Variants in SMCHD1 observed in about 807,000 individuals in gnomAD.
SMCHD1 encodes the protein structural maintenance of chromosomes flexible hinge domain containing 1.
In SMCHD1, 78 loss-of-function variants were observed where a neutral mutation model predicts 254.7. The ratio of observed to expected loss-of-function variants is 0.31; its 90% CI spans 0.26 to 0.37. The LOEUF (loss-of-function observed/expected upper bound fraction) is 0.37. Ranked by LOEUF, SMCHD1 falls within the 10% of genes least tolerant of loss-of-function variation. The pLI is 1.00. For missense variants in SMCHD1, 1,840 were observed against 2,408.1 expected (o/e 0.76, Z 4.94); for synonymous variants, 766 against 794.9 (o/e 0.96, Z 0.61).
chr18:2,736,071 G>A (rs2080663), intron 25 of SMCHD1, among the ~76,000 whole-genome samples: 29,499 of 152,040 alleles, frequency 0.19, 3,108 homozygotes, highest in South Asian at 0.27. Flanking sequence ...ACATAGACCA[G>A]TGGAGGAGGT....
At chr18:2,754,269 G>A (rs1460946578) in intron 34 of SMCHD1, among the ~76,000 whole-genome samples, 6 of 152,086 alleles carry the variant, frequency 3.9e-5, no homozygotes, top group Admixed American at 3.9e-4. Flanking sequence ...ATTGTGTTGG[G>A]GGTTCCCAAT....
chr18:2,780,547 G>GT (rs990998789), intron 44 of SMCHD1, among the ~76,000 whole-genome samples: 1 of 152,074 alleles, frequency 6.6e-6, no homozygotes, highest in African/African-American at 2.4e-5. Flanking sequence ...AAGCTTGCTG[G>GT]TAAGGATTGA....
chr18:2,728,408 T>G, intron 22 of SMCHD1, 49 bp from the exon 23 acceptor site: 1 of 1,569,478 alleles, frequency 6.4e-7, no homozygotes, highest in Non-Finnish European at 8.7e-7. Context: ...TTTCAGTACT[T>G]TAGTCTTTGA....
intron 1 of SMCHD1, among the ~76,000 whole-genome samples, chr18:2,664,978 T>C (rs2073395296): frequency 6.6e-6 from 1 of 152,222 alleles, no homozygotes; most frequent in Non-Finnish European, 1.5e-5. Context: ...TGGTTTTTAT[T>C]AATATCATTT....
chr18:2,689,993 C>T (rs1446849507), intron 7 of SMCHD1, among the ~76,000 whole-genome samples: 4 of 151,538 alleles, frequency 2.6e-5, no homozygotes, highest in African/African-American at 7.3e-5. Context: ...CCAATTTGGG[C>T]GATAGAGCAA....
In SMCHD1 at chr18:2,724,996, G is replaced by A; in HGVS notation, c.2700+1G>A. 6.4e-7 allele frequency: 1 copy of A among 1,550,914 alleles called. No homozygotes were observed. The highest frequency in any genetic ancestry group is 8.8e-7 in the Non-Finnish European group (1 of 1,135,324). On this transcript the variant is annotated splice_donor_variant, in intron 21 of 47. Coordinates refer to ENST00000320876, the MANE Select transcript of SMCHD1 (RefSeq NM_015295.3). LOFTEE classifies it high-confidence loss of function. ...CCCTGTAAACTCTTGTCAAGGCAAGGTAAGCATTATGTATAGATCCTATGA... is the reference window on the plus strand; with the variant it reads ...CCCTGTAAACTCTTGTCAAGGCAAGATAAGCATTATGTATAGATCCTATGA...
At chr18:2,713,394 CTAGAACATGTTTCTT>C (rs1252934587) in intron 17 of SMCHD1, among the ~76,000 whole-genome samples, 1 of 152,012 alleles carries the variant, frequency 6.6e-6, no homozygotes, top group Non-Finnish European at 1.5e-5. Context: ...GAAGATGTTT[CTAGAACATGTTTCTT>C]TCTCTATTGG....
In SMCHD1 at chr18:2,688,524, T is replaced by TCAA; in HGVS notation, c.753+17_753+18insAAC. The TCAA allele has an allele frequency of 1.2e-6, 2 of 1,604,876 alleles. No homozygotes were observed. Among genetic ancestry groups the TCAA allele is most frequent in the Non-Finnish European group, 1.7e-6 (2 of 1,172,316 alleles). On this transcript the variant is annotated intron_variant, in intron 6 of 47. Coordinates refer to ENST00000320876, the MANE Select transcript of SMCHD1 (RefSeq NM_015295.3). ...ATCAGCCAGAGTAAGTAAAAAGATT[T>TCAA]CTTATAAATGAAAGTTGATCAAAAT...
At position 2,700,647 on chromosome 18, in the gene SMCHD1, C is replaced by T; in HGVS notation, c.1451C>T (p.Thr484Ile). Residue 484 changes from threonine (T) to isoleucine (I), a missense_variant, in exon 11 of 48, where the codon ACA (threonine) becomes ATA (isoleucine). Coordinates refer to ENST00000320876, the MANE Select transcript of SMCHD1 (RefSeq NM_015295.3). ...TGGAATGGACGATTAATACCATATA[C>T]ATCAGTTGAAGAGTAAGTTTGATTT... ...CFWNGRLIPY[T>I]SVEDFDWCTP... 2 of 1,607,444 alleles carry T rather than the reference C, an allele frequency of 1.2e-6. No individual in the cohort carries two copies. Among genetic ancestry groups the T allele is most frequent in the Non-Finnish European group, 1.7e-6 (2 of 1,177,264 alleles).
chr18:2,787,107 G>C (rs1598447379), intron 45 of SMCHD1, among the ~76,000 whole-genome samples: 1 of 152,200 alleles, frequency 6.6e-6, no homozygotes. Context: ...TCTGCATCTG[G>C]TGAGGGCGTC....
chr18:2,671,381 C>A (rs632600), intron 3 of SMCHD1, among the ~76,000 whole-genome samples: 26,786 of 151,984 alleles, frequency 0.18, 5,815 homozygotes, highest in African/African-American at 0.52. Flanking sequence ...TATGAAAACC[C>A]TATCAGTTGA....
intron 10 of SMCHD1, among the ~76,000 whole-genome samples, chr18:2,699,919 C>A (rs1463997281): frequency 6.6e-6 from 1 of 152,070 alleles, no homozygotes; most frequent in African/African-American, 2.4e-5. Flanking sequence ...TTGTTTAATC[C>A]TAATTTATCT....
At chr18:2,707,994 A>C in intron 17 of SMCHD1, 74 bp downstream of exon 17, 1 of 923,392 alleles carries the variant, frequency 1.1e-6, no homozygotes, top group Non-Finnish European at 1.6e-6. Context: ...TCTTCATGTA[A>C]TTATTGATGA....
At chr18:2,658,967 T>G (rs901482690) in intron 1 of SMCHD1, among the ~76,000 whole-genome samples, 4 of 151,988 alleles carry the variant, frequency 2.6e-5, no homozygotes, top group African/African-American at 9.7e-5. Flanking sequence ...TATATATTTT[T>G]TACACTACTC....
chr18:2,756,213 T>G (rs2075675246), intron 34 of SMCHD1, among the ~76,000 whole-genome samples: 1 of 152,238 alleles, frequency 6.6e-6, no homozygotes, highest in Non-Finnish European at 1.5e-5. Context: ...ATTACTGGAA[T>G]AAACCCAATT....
At chr18:2,678,852 TTTG>T (rs1568118424) in intron 5 of SMCHD1, among the ~76,000 whole-genome samples, 3 of 28,266 alleles carry the variant, frequency 1.1e-4, no homozygotes, top group Non-Finnish European at 5.9e-4. Flanking sequence ...TGTTTGTTTT[TTTG>T]TTTTTTTTTT....
At chr18:2,801,137 C>T (rs148646830) in intron 47 of SMCHD1, 1 of 152,262 alleles carries the variant, frequency 6.6e-6, no homozygotes, top group African/African-American at 2.4e-5. Context: ...GAAGGAAATG[C>T]TATCATGTGG....
intron 32 of SMCHD1, 119 bp from the exon 33 acceptor site, chr18:2,751,159 T>C (rs1215092258): frequency 1.7e-6 from 1 of 580,262 alleles, no homozygotes; most frequent in East Asian, 3.5e-5. Flanking sequence ...TGTATTAACA[T>C]TTAAATAACG....
chr18:2,720,577 G>C (rs1041871329), intron 19 of SMCHD1, among the ~76,000 whole-genome samples: 4 of 152,086 alleles, frequency 2.6e-5, no homozygotes, highest in African/African-American at 7.2e-5. Context: ...TTGTCTCTTT[G>C]GCTATTCAGA....
Sources: allele counts gnomAD v4.1 joint callset (sites outside exome capture counted in the v4.1 genomes callset), GRCh38; gene constraint gnomAD v4.1.1; transcripts MANE v1.5; gene names NCBI Gene and HGNC (gene_info 2026-07-23, HGNC 2026-07-21).